The following TTC27 variants were observed in gnomAD, a reference collection of about 807,000 sequenced individuals.
TTC27 encodes tetratricopeptide repeat domain 27, also known as tetratricopeptide repeat protein 27.
TTC27 carries 79 observed loss-of-function variants against 115.9 expected under a neutral mutation model. The ratio of observed to expected loss-of-function variants is 0.68; its 90% CI spans 0.57 to 0.82. TTC27 has a LOEUF of 0.82. Ranked by LOEUF, TTC27 falls within the 40% of genes least tolerant of loss-of-function variation. The pLI, the probability that TTC27 is intolerant of heterozygous loss-of-function variation, is 0.00. For missense variants in TTC27, 1,054 were observed against 993.1 expected (o/e 1.06, Z -0.82); for synonymous variants, 401 against 356.0 (o/e 1.13, Z -1.42).
chr2:32,681,040 G>T (rs544269898), intron 9 of TTC27, among the ~76,000 whole-genome samples: 1 of 151,948 alleles, frequency 6.6e-6, no homozygotes, highest in Non-Finnish European at 1.5e-5. Flanking sequence ...GTGCTTCTCC[G>T]CTCAGGCCTT....
chr2:32,631,258 C>T (rs1181570980), intron 2 of TTC27, among the ~76,000 whole-genome samples: 1 of 152,016 alleles, frequency 6.6e-6, no homozygotes, highest in East Asian at 1.9e-4. Flanking sequence ...AGCCAATATC[C>T]CGCCATTGCA....
At chr2:32,726,802 T>G (rs1668124345) in intron 10 of TTC27, among the ~76,000 whole-genome samples, 1 of 152,210 alleles carries the variant, frequency 6.6e-6, no homozygotes, top group Admixed American at 6.5e-5. Context: ...CTGGGTAATT[T>G]ACATAGGAAA....
In TTC27 at chr2:32,695,096, A is replaced by G. The variant is rs117948354; in HGVS notation, c.1120-7711A>G. Among the ~76,000 whole-genome samples the G allele has an allele frequency of 1.4e-3, 208 of 152,292 alleles. 8 individuals are homozygous for G. In the East Asian group the frequency reaches 0.035, roughly 25 times the overall value. ...TTTAAGGGTACAGTTCAGTGGCATT[A>G]AGTACATTCACAGTGTTGTGCAACC... On this transcript the variant is annotated intron_variant, in intron 9 of 19. Coordinates refer to ENST00000317907, the MANE Select transcript of TTC27 (RefSeq NM_017735.5).
intron 10 of TTC27, among the ~76,000 whole-genome samples, chr2:32,726,268 C>A (rs951653007): frequency 6.6e-6 from 1 of 152,236 alleles, no homozygotes; most frequent in African/African-American, 2.4e-5. Context: ...TCTTTTCTAT[C>A]GCATTGGCAG....
At chr2:32,768,494 G>C (rs909958847) in intron 13 of TTC27, among the ~76,000 whole-genome samples, 2 of 152,188 alleles carry the variant, frequency 1.3e-5, no homozygotes, top group Admixed American at 1.3e-4. Context: ...TATGGATGTG[G>C]TTATGAATTG....
intron 18 of TTC27, among the ~76,000 whole-genome samples, chr2:32,814,830 A>G (rs1465252645): frequency 6.6e-6 from 1 of 152,198 alleles, no homozygotes; most frequent in Non-Finnish European, 1.5e-5. Context: ...TTGTGTAAGT[A>G]CACCCTATGA....
chr2:32,767,443 G>GTTTTTTTTTTTTTTT (rs150586627), intron 13 of TTC27, among the ~76,000 whole-genome samples: 1 of 112,208 alleles, frequency 8.9e-6, no homozygotes, highest in Non-Finnish European at 1.9e-5. Flanking sequence ...ATATTTATAA[G>GTTTTTTTTTTTTTTT]TTTTTTTTTG....
At chr2:32,755,733 G>T (rs1194889886) in intron 12 of TTC27, among the ~76,000 whole-genome samples, 3 of 152,176 alleles carry the variant, frequency 2.0e-5, no homozygotes, top group African/African-American at 7.2e-5. Context: ...TACCTGGTTG[G>T]TAGCTACAGG....
Position 32,812,554 on chromosome 2 carries a change from T to G in TTC27, c.2247T>G (p.Cys749Trp). Residue 749 changes from cysteine to tryptophan, a missense_variant, in exon 18 of 20, where the codon TGT becomes TGG. Transcript: ENST00000317907. ...KAYKCDTQSN[C>W]WEKDITSFKE... ...ACAAGTGTGACACCCAGTCCAATTG[T>G]TGGGAGAAAGATATTACATCATTTA... 1 of 1,614,112 alleles carries G rather than the reference T, an allele frequency of 6.2e-7. No individual in the cohort carries two copies. Among genetic ancestry groups the G allele is most frequent in the Non-Finnish European group, 8.5e-7 (1 of 1,179,976 alleles).
chr2:32,702,318 C>T, intron 9 of TTC27, among the ~76,000 whole-genome samples: 1 of 151,714 alleles, frequency 6.6e-6, no homozygotes, highest in Non-Finnish European at 1.5e-5. Context: ...TCCAAGTTGT[C>T]ATCAAAGAGA....
chr2:32,788,142 G>A (rs185416728), intron 16 of TTC27, among the ~76,000 whole-genome samples: 1 of 152,124 alleles, frequency 6.6e-6, no homozygotes, highest in African/African-American at 2.4e-5. Flanking sequence ...TCTGAAACCT[G>A]TTCCTAAAAT....
At chr2:32,782,349 G>T (rs912881299) in intron 14 of TTC27, among the ~76,000 whole-genome samples, 2 of 152,104 alleles carry the variant, frequency 1.3e-5, no homozygotes, top group Admixed American at 1.3e-4. Flanking sequence ...TGTTGTATTA[G>T]TTATTTTGTA....
At chr2:32,638,448 G>A (rs562124054) in intron 3 of TTC27, among the ~76,000 whole-genome samples, 2 of 152,080 alleles carry the variant, frequency 1.3e-5, no homozygotes, top group African/African-American at 4.8e-5. Context: ...GCATGATCAC[G>A]GCTCACTGTA....
intron 10 of TTC27, among the ~76,000 whole-genome samples, chr2:32,705,938 A>T (rs1470335710): frequency 2.0e-5 from 3 of 152,126 alleles, no homozygotes; most frequent in Non-Finnish European, 4.4e-5. Context: ...AATTTTTTAA[A>T]TTGGTATTCT....
chr2:32,809,531 C>T (rs578045041), intron 16 of TTC27, among the ~76,000 whole-genome samples: 3 of 152,262 alleles, frequency 2.0e-5, no homozygotes, highest in East Asian at 3.9e-4. Flanking sequence ...GCATTTTTAT[C>T]CAGGATTCTG....
intron 7 of TTC27, among the ~76,000 whole-genome samples, chr2:32,668,902 A>C (rs1228035469): frequency 1.3e-5 from 2 of 151,730 alleles, no homozygotes; most frequent in Non-Finnish European, 2.9e-5. Flanking sequence ...ACACAGTGAA[A>C]CCCCGTCTCT....
chr2:32,746,422 G>A (rs1170089212), intron 12 of TTC27, among the ~76,000 whole-genome samples: 4 of 151,744 alleles, frequency 2.6e-5, no homozygotes, highest in Non-Finnish European at 5.9e-5. Context: ...AATTAGCCGG[G>A]CGTGGCAGCA....
At chr2:32,748,604 T>A (rs1233267878) in intron 12 of TTC27, among the ~76,000 whole-genome samples, 1 of 152,228 alleles carries the variant, frequency 6.6e-6, no homozygotes, top group East Asian at 1.9e-4. Context: ...GGAGTTATTT[T>A]AGCTGCACAT....
intron 7 of TTC27, among the ~76,000 whole-genome samples, chr2:32,671,750 G>A (rs1419650911): frequency 1.3e-5 from 2 of 152,188 alleles, no homozygotes; most frequent in Non-Finnish European, 2.9e-5. Flanking sequence ...CTATTTGTGA[G>A]AAATTTCTCA....
Sources: allele counts gnomAD v4.1 joint callset (sites outside exome capture counted in the v4.1 genomes callset), GRCh38; gene constraint gnomAD v4.1.1; transcripts MANE v1.5; gene names NCBI Gene and HGNC (gene_info 2026-07-23, HGNC 2026-07-21).